The following MARCHF1 variants were observed in gnomAD, a reference collection of about 807,000 sequenced individuals.
MARCHF1 encodes E3 ubiquitin-protein ligase MARCHF1.
In MARCHF1, 40 loss-of-function variants were observed where a neutral mutation model predicts 54.2. The observed-to-expected ratio is 0.74, with a 90% CI of 0.57 to 0.96. The LOEUF is 0.96. Among genes scored for constraint, MARCHF1 ranks in the 40% least tolerant of loss-of-function variants. MARCHF1 has a pLI of 0.00. For missense variants in MARCHF1, 586 were observed against 656.5 expected, an observed-to-expected ratio of 0.89 and a Z score of 1.17; for synonymous variants, 236 against 236.3, an observed-to-expected ratio of 1.00 and a Z score of 0.01.
intron 1 of MARCHF1, among the ~76,000 whole-genome samples, chr4:164,199,683 G>C (rs28524773): frequency 4.6e-3 from 148 of 32,184 alleles, no homozygotes; most frequent in East Asian, 0.012. Flanking sequence ...CACACACACA[G>C]AGAGAGAGAG....
chr4:163,556,829 T>G (rs1464940498), intron 8 of MARCHF1, among the ~76,000 whole-genome samples: 1 of 152,072 alleles, frequency 6.6e-6, no homozygotes, highest in African/African-American at 2.4e-5. Context: ...TTTGAATTTG[T>G]TTTTGGCACC....
intron 3 of MARCHF1, among the ~76,000 whole-genome samples, chr4:163,950,781 C>G (rs894479303): frequency 1.3e-5 from 2 of 152,200 alleles, no homozygotes; most frequent in Admixed American, 6.5e-5. Context: ...ATCAAACATA[C>G]TAATTTATAA....
chr4:164,342,348 C>T (rs1020874516), intron 1 of MARCHF1, among the ~76,000 whole-genome samples: 1 of 151,974 alleles, frequency 6.6e-6, no homozygotes, highest in Non-Finnish European at 1.5e-5. Flanking sequence ...AACTCTTACA[C>T]ATTATTGGTA....
chr4:164,029,925 T>C (rs904306253), intron 2 of MARCHF1, among the ~76,000 whole-genome samples: 6 of 152,220 alleles, frequency 3.9e-5, no homozygotes, highest in Admixed American at 3.9e-4. Context: ...CTTTGTGTTC[T>C]ATGAAGAAAT....
At chr4:163,692,520 A>T (rs182047054) in intron 5 of MARCHF1, among the ~76,000 whole-genome samples, 1 of 152,292 alleles carries the variant, frequency 6.6e-6, no homozygotes, top group East Asian at 1.9e-4. Context: ...GTGTGTCTGG[A>T]CATGAGTTAT....
intron 9 of MARCHF1, among the ~76,000 whole-genome samples, chr4:163,536,494 G>A (rs986622734): frequency 2.0e-5 from 3 of 152,070 alleles, no homozygotes; most frequent in African/African-American, 7.2e-5. Context: ...TGTGCAGTAT[G>A]AGCTCACTTT....
At chr4:164,164,379 C>A (rs994044874) in intron 1 of MARCHF1, among the ~76,000 whole-genome samples, 1 of 151,566 alleles carries the variant, frequency 6.6e-6, no homozygotes, top group Admixed American at 6.6e-5. Flanking sequence ...ACACATGTAC[C>A]AACATCAGGA....
At chr4:164,170,615 G>T (rs1332627316) in intron 1 of MARCHF1, among the ~76,000 whole-genome samples, 3 of 152,024 alleles carry the variant, frequency 2.0e-5, no homozygotes, top group Non-Finnish European at 4.4e-5. Context: ...AGTCTGTTAG[G>T]GTTGCCCAAT....
At chr4:164,320,695 C>A (rs774560804) in intron 1 of MARCHF1, among the ~76,000 whole-genome samples, 1 of 147,250 alleles carries the variant, frequency 6.8e-6, no homozygotes, top group Non-Finnish European at 1.5e-5. Context: ...CCTAGGAATT[C>A]GTATCCTTAA....
chr4:163,897,822 C>T (rs936387771), intron 3 of MARCHF1, among the ~76,000 whole-genome samples: 11 of 151,644 alleles, frequency 7.3e-5, no homozygotes, highest in Non-Finnish European at 1.0e-4. Flanking sequence ...TTTGGGAGGC[C>T]GAGGCGGGTG....
At chr4:164,199,677 CACACAGAGAGAGAG>C (rs1271694475) in intron 1 of MARCHF1, among the ~76,000 whole-genome samples, 176 of 63,996 alleles carry the variant, frequency 2.8e-3, no homozygotes, top group Middle Eastern at 0.014. Flanking sequence ...CACACACACA[CACACAGAGAGAGAG>C]AGAGAGAGAG....
intron 5 of MARCHF1, among the ~76,000 whole-genome samples, chr4:163,659,256 G>A (rs1743258412): frequency 6.6e-6 from 1 of 151,596 alleles, no homozygotes; most frequent in African/African-American, 2.4e-5. Context: ...TATCTTAAAA[G>A]TATACATCTG....
At chr4:163,573,613 T>A (rs2110767258) in intron 8 of MARCHF1, among the ~76,000 whole-genome samples, 1 of 152,082 alleles carries the variant, frequency 6.6e-6, no homozygotes, top group South Asian at 2.1e-4. Context: ...ATTTCCAACT[T>A]CATCCATGTC....
chr4:163,802,968 C>A (rs375136514), intron 4 of MARCHF1, among the ~76,000 whole-genome samples: 21 of 152,178 alleles, frequency 1.4e-4, no homozygotes, highest in African/African-American at 5.1e-4. Flanking sequence ...AAAAGGTACT[C>A]ATTCACTATC....
chr4:163,685,822 G>A (rs978438877), intron 5 of MARCHF1, among the ~76,000 whole-genome samples: 2 of 152,110 alleles, frequency 1.3e-5, no homozygotes, highest in Non-Finnish European at 2.9e-5. Context: ...AATCTGTGAT[G>A]CCAATTTACA....
intron 4 of MARCHF1, among the ~76,000 whole-genome samples, chr4:163,849,655 T>A (rs1749590005): frequency 6.6e-6 from 1 of 152,140 alleles, no homozygotes; most frequent in South Asian, 2.1e-4. Context: ...TGCATATCAC[T>A]TCCAAACCTA....
intron 1 of MARCHF1, among the ~76,000 whole-genome samples, chr4:164,147,648 A>T (rs1470887527): frequency 7.6e-6 from 1 of 131,208 alleles, no homozygotes; most frequent in East Asian, 2.3e-4. Context: ...CAGGAAGGGG[A>T]ACATCACACT....
At chr4:164,215,278 C>T (rs148188058) in intron 1 of MARCHF1, among the ~76,000 whole-genome samples, 4 of 152,136 alleles carry the variant, frequency 2.6e-5, no homozygotes, top group South Asian at 2.1e-4. Context: ...CTCCTTCCTT[C>T]GGTAGATAGC....
At chr4:163,811,090 C>T (rs1748371253) in intron 4 of MARCHF1, among the ~76,000 whole-genome samples, 1 of 152,146 alleles carries the variant, frequency 6.6e-6, no homozygotes, top group South Asian at 2.1e-4. Flanking sequence ...CAGGACACTA[C>T]AGATAAGACC....
Sources: allele counts gnomAD v4.1 joint callset (sites outside exome capture counted in the v4.1 genomes callset), GRCh38; gene constraint gnomAD v4.1.1; transcripts MANE v1.5; gene names NCBI Gene and HGNC (gene_info 2026-07-23, HGNC 2026-07-21).